CAAP1: variants seen among roughly 807,000 people sequenced by gnomAD.
CAAP1 encodes the protein conserved anti-apoptotic protein.
CAAP1 carries 20 observed loss-of-function variants against 34.0 expected under a neutral mutation model. The observed-to-expected ratio is 0.59, with a 90% CI of 0.41 to 0.86. The LOEUF (loss-of-function observed/expected upper bound fraction) is 0.86. Among genes scored for constraint, CAAP1 ranks in the 40% least tolerant of loss-of-function variants. The pLI is 0.00. For missense variants in CAAP1, 538 were observed against 450.5 expected (o/e 1.19, Z -1.76); for synonymous variants, 213 against 166.7 (o/e 1.28, Z -2.14).
intron 4 of CAAP1, among the ~76,000 whole-genome samples, chr9:26,870,947 C>T (rs750884727): frequency 5.3e-5 from 8 of 152,080 alleles, no homozygotes; most frequent in Non-Finnish European, 1.2e-4. Flanking sequence ...AAAATATTTC[C>T]TTAGGTATGT....
At chr9:26,849,708 A>C (rs1462928748) in intron 5 of CAAP1, among the ~76,000 whole-genome samples, 1 of 152,124 alleles carries the variant, frequency 6.6e-6, no homozygotes, top group Non-Finnish European at 1.5e-5. Context: ...GGTATTTTTT[A>C]AAAAGCTTAA....
At chr9:26,872,559 T>C (rs906776881) in intron 4 of CAAP1, among the ~76,000 whole-genome samples, 5 of 149,296 alleles carry the variant, frequency 3.3e-5, no homozygotes, top group African/African-American at 9.9e-5. Flanking sequence ...ATATAATATA[T>C]ATATATATAT....
intron 4 of CAAP1, among the ~76,000 whole-genome samples, chr9:26,882,426 T>G (rs913358696): frequency 8.5e-5 from 13 of 152,094 alleles, no homozygotes; most frequent in African/African-American, 3.1e-4. Context: ...CCATGTGGGG[T>G]TGAGCCTGCA....
At chr9:26,850,286 C>T (rs1267346318) in intron 5 of CAAP1, among the ~76,000 whole-genome samples, 1 of 152,190 alleles carries the variant, frequency 6.6e-6, no homozygotes, top group African/African-American at 2.4e-5. Flanking sequence ...TGAAAACTCT[C>T]TCTCTCACAC....
At chr9:26,872,643 A>C (rs1305028052) in intron 4 of CAAP1, among the ~76,000 whole-genome samples, 1 of 151,164 alleles carries the variant, frequency 6.6e-6, no homozygotes, top group Non-Finnish European at 1.5e-5. Flanking sequence ...TGTAGCCTCA[A>C]TGTCCTGGGC....
At chr9:26,886,292 A>G (rs1823736647) in intron 2 of CAAP1, 104 bp from the exon 3 acceptor site, 1 of 466,708 alleles carries the variant, frequency 2.1e-6, no homozygotes, top group East Asian at 3.6e-5. Flanking sequence ...ATCTTACAAT[A>G]AAATAAATTA....
At chr9:26,879,476 T>C (rs1206996282) in intron 4 of CAAP1, among the ~76,000 whole-genome samples, 2 of 152,214 alleles carry the variant, frequency 1.3e-5, no homozygotes, top group Non-Finnish European at 1.5e-5. Flanking sequence ...AACAATCATA[T>C]ACTTAGGTAC....
intron 5 of CAAP1, among the ~76,000 whole-genome samples, chr9:26,849,973 G>C (rs1013995320): frequency 2.6e-5 from 4 of 151,664 alleles, no homozygotes; most frequent in African/African-American, 9.7e-5. Flanking sequence ...CGAGTAGCTG[G>C]GACTACAGAC....
At chr9:26,884,043 TGCC>T (rs921048884) in intron 4 of CAAP1, among the ~76,000 whole-genome samples, 3 of 152,228 alleles carry the variant, frequency 2.0e-5, no homozygotes, top group African/African-American at 7.2e-5. Flanking sequence ...CGTGTACTAC[TGCC>T]TGTGACACAA....
rs536495617 is a variant in CAAP1 at position 26,842,094 on chromosome 9, G to A, written c.*207C>T. The A allele has an allele frequency of 1.4e-4, 62 of 450,026 alleles. No homozygotes were observed. In the East Asian group the frequency reaches 2.2e-3, roughly 16 times the overall value. 27.9% of individuals were successfully genotyped at this position (450,026 alleles called of 1,614,324 possible). ...CCAGGCTATCCAACTATATTGCCAT[G>A]AATTCATAAGACAGTAACACACATT... On this transcript the variant is annotated 3_prime_UTR_variant, in exon 6 of 6. Coordinates refer to ENST00000333916, the MANE Select transcript of CAAP1 (RefSeq NM_024828.4).
intron 5 of CAAP1, among the ~76,000 whole-genome samples, chr9:26,860,030 A>G (rs1822968077): frequency 6.6e-6 from 1 of 152,146 alleles, no homozygotes; most frequent in Admixed American, 6.5e-5. Flanking sequence ...TCTCTACCAA[A>G]TAAGTTCATA....
At chr9:26,863,996 A>G (rs887061921) in intron 4 of CAAP1, among the ~76,000 whole-genome samples, 1 of 151,966 alleles carries the variant, frequency 6.6e-6, no homozygotes, top group East Asian at 1.9e-4. Context: ...CCTGTTGCCC[A>G]AGTTGTTCTT....
chr9:26,851,961 C>A (rs1357884505), intron 5 of CAAP1, among the ~76,000 whole-genome samples: 2 of 152,166 alleles, frequency 1.3e-5, no homozygotes, highest in Non-Finnish European at 2.9e-5. Context: ...TCCTGTGGCA[C>A]TGCTTTTGCT....
intron 1 of CAAP1, among the ~76,000 whole-genome samples, chr9:26,890,296 G>T (rs1587133179): frequency 6.6e-6 from 1 of 151,646 alleles, no homozygotes; most frequent in East Asian, 1.9e-4. Context: ...ACTTGAACCT[G>T]GCAGGCGGAG....
At chr9:26,873,221 G>A (rs1038037602) in intron 4 of CAAP1, among the ~76,000 whole-genome samples, 2 of 152,180 alleles carry the variant, frequency 1.3e-5, no homozygotes, top group Non-Finnish European at 2.9e-5. Flanking sequence ...CAGCCAGGGT[G>A]ACAAGTGAGC....
intron 5 of CAAP1, among the ~76,000 whole-genome samples, chr9:26,843,954 C>T (rs998510339): frequency 5.3e-5 from 8 of 151,844 alleles, no homozygotes; most frequent in Non-Finnish European, 1.0e-4. Flanking sequence ...TATATATGTC[C>T]GCAAAGCAAC....
chr9:26,845,702 T>C (rs1200018638), intron 5 of CAAP1, among the ~76,000 whole-genome samples: 1 of 152,140 alleles, frequency 6.6e-6, no homozygotes, highest in East Asian at 1.9e-4. Flanking sequence ...TTCTAACAAT[T>C]CTTGGTCTCT....
Position 26,845,037 on chromosome 9 carries a change from A to T in CAAP1, c.740-2390T>A, listed in dbSNP as rs551740938. Among the ~76,000 whole-genome samples the T allele has an allele frequency of 5.3e-5, 8 of 152,334 alleles. No individual in the cohort carries two copies. In the East Asian group the frequency reaches 1.2e-3, roughly 22 times the overall value. ...CTGTCACTTTATCAAGTCCCTGCTC[A>T]AATGGTACCTTATCAGATCATAGTG... On this transcript the variant is annotated intron_variant, in intron 5 of 5. Transcript: ENST00000333916.
intron 4 of CAAP1, among the ~76,000 whole-genome samples, chr9:26,867,743 C>G (rs1435057523): frequency 3.3e-5 from 5 of 152,090 alleles, no homozygotes; most frequent in Non-Finnish European, 5.9e-5. Flanking sequence ...GCTGCTAGAT[C>G]TTATTAATAT....
Sources: allele counts gnomAD v4.1 joint callset (sites outside exome capture counted in the v4.1 genomes callset), GRCh38; gene constraint gnomAD v4.1.1; transcripts MANE v1.5; gene names NCBI Gene and HGNC (gene_info 2026-07-23, HGNC 2026-07-21).